The following PON3 variants were observed in gnomAD, a reference collection of about 807,000 sequenced individuals.
The protein encoded by PON3 is paraoxonase 3, also known as serum paraoxonase/lactonase 3.
Under a neutral mutation model 36.3 loss-of-function variants are expected in PON3, and 37 were observed. The observed-to-expected ratio is 1.02, with a 90% confidence interval of 0.78 to 1.34. The LOEUF is 1.34. Ranked by LOEUF, PON3 falls within the 40% of genes most tolerant of loss-of-function variation. The pLI is 0.00. For missense variants in PON3, 415 were observed against 426.5 expected (o/e 0.97, Z 0.24); for synonymous variants, 155 against 154.8 (o/e 1.00, Z -0.01).
chr7:95,372,403 T>C, intron 3 of PON3, 65 bp from the exon 4 acceptor site: 1 of 1,546,252 alleles, frequency 6.5e-7, no homozygotes, highest in Admixed American at 1.8e-5. Context: ...CATAAGGAAT[T>C]TAAAATCTCA....
At chr7:95,395,152 CCTAATAGTCAAACT>C (rs1362556127) in intron 1 of PON3, among the ~76,000 whole-genome samples, 2 of 152,182 alleles carry the variant, frequency 1.3e-5, no homozygotes. Flanking sequence ...AACAGGGTCT[CCTAATAGTCAAACT>C]CTATCACTTT....
At chr7:95,383,259 A>C (rs985587032) in intron 3 of PON3, among the ~76,000 whole-genome samples, 2 of 152,216 alleles carry the variant, frequency 1.3e-5, no homozygotes, top group African/African-American at 4.8e-5. Context: ...CTGAATGGGC[A>C]AAAACTGGAA....
At chr7:95,379,087 A>AT (rs1808984836) in intron 3 of PON3, among the ~76,000 whole-genome samples, 1 of 152,060 alleles carries the variant, frequency 6.6e-6, no homozygotes, top group South Asian at 2.1e-4. Context: ...GCAAAAAAAA[A>AT]AAAGCAGGAG....
At chr7:95,379,818 A>C (rs1391301396) in intron 3 of PON3, among the ~76,000 whole-genome samples, 1 of 152,206 alleles carries the variant, frequency 6.6e-6, no homozygotes, top group Non-Finnish European at 1.5e-5. Context: ...ACCTCTGCAG[A>C]CTTAAATGTC....
intron 6 of PON3, 136 bp from the exon 7 acceptor site, chr7:95,362,977 A>G: frequency 1.4e-6 from 1 of 690,264 alleles, no homozygotes; most frequent in Non-Finnish European, 2.6e-6. Flanking sequence ...ACAGTAAAAG[A>G]AGATAATGGG....
rs908414342 is a variant in PON3, at chr7:95,394,823, T to G, written c.75-109A>C. On this transcript the variant is annotated intron_variant, in intron 1 of 8. Transcript: ENST00000265627. ...GTTGGTTAACTATCTTTATCATAATTTATGAATGACATAACAAGTAAGTAG... is the reference window on the plus strand; with the variant it reads ...GTTGGTTAACTATCTTTATCATAATGTATGAATGACATAACAAGTAAGTAG... The G allele has an allele frequency of 1.2e-4, 108 of 873,308 alleles. 3 individuals are homozygous for G. The South Asian group carries it at 1.5e-3, about 12-fold the overall frequency. 54.1% of individuals were successfully genotyped at this position (873,308 alleles called of 1,614,324 possible). A position where few individuals can be genotyped will look rare whatever the true frequency, so the allele number is the denominator to read the frequency against.
intron 3 of PON3, among the ~76,000 whole-genome samples, chr7:95,373,445 C>T (rs1808851686): frequency 6.6e-6 from 1 of 152,174 alleles, no homozygotes. Flanking sequence ...TGGCTTTTCC[C>T]AGACAACACC....
At chr7:95,367,044 T>A (rs1420682099) in intron 5 of PON3, among the ~76,000 whole-genome samples, 1 of 152,172 alleles carries the variant, frequency 6.6e-6, no homozygotes, top group Non-Finnish European at 1.5e-5. Flanking sequence ...AGGGTGTAGG[T>A]GTTTAAACAG....
At position 95,362,454 on chromosome 7, in the gene PON3, C is replaced by CA; in HGVS notation, c.813dup (p.Val272CysfsTer15). ...AAAATGTCTCCTGTGGCAGGATCGA[C>CA]AGTCAGGTTATCCACTAAGGTGCCC... On this transcript the variant is annotated frameshift_variant, in exon 8 of 9. Coordinates refer to ENST00000265627, the MANE Select transcript of PON3 (RefSeq NM_000940.3). LOFTEE classifies it high-confidence loss of function. 1 of 1,613,724 alleles carries CA rather than the reference C, an allele frequency of 6.2e-7. No homozygotes were observed. Among genetic ancestry groups the CA allele is most frequent in the African/African-American group, 1.3e-5 (1 of 75,034 alleles).
chr7:95,367,407 C>T lies in PON3; in HGVS notation c.449G>A (p.Arg150His), dbSNP rs756358481. Reference sequence around the variant, plus strand: ...TATAGTTTTCAGGTATACCAGAGAACGTTGTTGTTCCTCAAATTTAAATAT... The same window carrying T: ...TATAGTTTTCAGGTATACCAGAGAATGTTGTTGTTCCTCAAATTTAAATAT... ...VEIFKFEEQQ[R>H]SLVYLKTIKH... The change falls in exon 5 of 9, where the codon CGT becomes CAT. Residue 150 changes from arginine to histidine, a missense_variant. Coordinates refer to ENST00000265627, the MANE Select transcript of PON3 (RefSeq NM_000940.3). 1.1e-5 allele frequency: 18 copies of T among 1,613,046 alleles called. No homozygotes were observed. The highest frequency in any genetic ancestry group is 2.2e-5 in the South Asian group (2 of 91,068).
At chr7:95,394,591 G>A (rs1425734481) in intron 2 of PON3, 53 bp downstream of exon 2, 34 of 1,505,950 alleles carry the variant, frequency 2.3e-5, no homozygotes, top group Non-Finnish European at 3.7e-6. Context: ...TCAGTCAGGT[G>A]GATGACGACC....
chr7:95,383,553 C>A (rs543907329), intron 3 of PON3, among the ~76,000 whole-genome samples: 165 of 152,202 alleles, frequency 1.1e-3, no homozygotes, highest in Non-Finnish European at 1.9e-3. Context: ...TTCTTATACA[C>A]CAATAACAGA....
At chr7:95,362,214 C>T in intron 8 of PON3, 148 bp downstream of exon 8, 1 of 966,906 alleles carries the variant, frequency 1.0e-6, no homozygotes, top group Non-Finnish European at 1.6e-6. Flanking sequence ...CCTTATCTCC[C>T]TACCTGTCAA....
chr7:95,385,467 C>A (rs17881085), intron 3 of PON3, among the ~76,000 whole-genome samples: 4,244 of 152,162 alleles, frequency 0.028, 113 homozygotes, highest in African/African-American at 0.068. Context: ...CACAATACTA[C>A]TGGGAGACTT....
At chr7:95,377,191 G>A (rs376936871) in intron 3 of PON3, among the ~76,000 whole-genome samples, 2 of 152,212 alleles carry the variant, frequency 1.3e-5, no homozygotes, top group Admixed American at 6.5e-5. Flanking sequence ...AGCTTGGCAG[G>A]GGGAGGGGCA....
At chr7:95,368,860 C>G (rs1808753554) in intron 4 of PON3, among the ~76,000 whole-genome samples, 1 of 151,498 alleles carries the variant, frequency 6.6e-6, no homozygotes, top group Admixed American at 6.6e-5. Context: ...CCACCTCCAC[C>G]TCTACCTCTA....
At chr7:95,376,731 T>C (rs1279741666) in intron 3 of PON3, among the ~76,000 whole-genome samples, 1 of 152,134 alleles carries the variant, frequency 6.6e-6, no homozygotes, top group East Asian at 1.9e-4. Flanking sequence ...TCATCACTTT[T>C]AGTGGTATAT....
chr7:95,363,124 G>A (rs1808613736), intron 6 of PON3, among the ~76,000 whole-genome samples: 1 of 151,434 alleles, frequency 6.6e-6, no homozygotes, highest in Non-Finnish European at 1.5e-5. Context: ...TCCTTAAATT[G>A]AATGAAGGTA....
chr7:95,386,962 A>G (rs1365993505), intron 3 of PON3, among the ~76,000 whole-genome samples: 1 of 152,166 alleles, frequency 6.6e-6, no homozygotes, highest in Non-Finnish European at 1.5e-5. Context: ...CTCTCAATAA[A>G]CTAGGTATTG....
Sources: gnomAD v4.1 joint callset for allele counts (sites outside exome capture counted in the v4.1 genomes callset) on GRCh38, gnomAD v4.1.1 for gene constraint, MANE v1.5 for transcripts, NCBI Gene and HGNC (gene_info 2026-07-23, HGNC 2026-07-21) for gene names.